TTC17: variants seen among roughly 807,000 people sequenced by gnomAD.
The protein encoded by TTC17 is tetratricopeptide repeat protein 17.
TTC17 carries 58 observed loss-of-function variants against 143.8 expected under a neutral mutation model. The ratio of observed to expected loss-of-function variants is 0.40; its 90% CI spans 0.33 to 0.50. TTC17 has a LOEUF of 0.50. Ranked by LOEUF, TTC17 falls within the 20% of genes least tolerant of loss-of-function variation. The pLI, the probability that TTC17 is intolerant of heterozygous loss-of-function variation, is 0.49. For synonymous variants in TTC17, 501 were observed against 497.8 expected (o/e 1.01, Z -0.09); for missense variants, 1,273 against 1,392.5 (o/e 0.91, Z 1.37).
In TTC17 at chr11:43,443,513, C is replaced by T. The variant is rs760655062; in HGVS notation, c.2440C>T (p.Pro814Ser). ...AGGAATACGGGTGCTGAAGAAAGGT[C>T]CCCAGGATGGAGTGGCCAGAAGCTC... ...LQGIRVLKKG[P>S]QDGVARSSCY... Residue 814 changes from proline (P) to serine (S), a missense_variant, in exon 17 of 24, where the codon CCC (proline) becomes TCC (serine). Pro to Ser is a moderately conservative substitution (Grantham distance 74). This residue lies in a region of TTC17 where 878 missense variants were observed against 899.8 expected (regional missense o/e 0.98). Transcript: ENST00000039989. 2 of 1,614,072 alleles carry T rather than the reference C, an allele frequency of 1.2e-6. No homozygotes were observed.
At chr11:43,359,243 G>A in intron 1 of TTC17, 130 bp downstream of exon 1, 1 of 1,157,942 alleles carries the variant, frequency 8.6e-7, no homozygotes, top group Non-Finnish European at 1.2e-6. Flanking sequence ...GTGGCACCGC[G>A]ACCTCGGACT....
At chr11:43,441,045 G>T (rs1039586420) in intron 16 of TTC17, among the ~76,000 whole-genome samples, 2 of 151,200 alleles carry the variant, frequency 1.3e-5, no homozygotes, top group Non-Finnish European at 2.9e-5. Flanking sequence ...TGAGGTGGGC[G>T]GATCACCTGA....
At position 43,444,096 on chromosome 11, in the gene TTC17, A is replaced by G; in HGVS notation, c.2552A>G (p.Asp851Gly). 1 of 1,613,308 alleles carries G rather than the reference A, an allele frequency of 6.2e-7. No homozygotes were observed. The highest frequency in any genetic ancestry group is 8.5e-7 in the Non-Finnish European group (1 of 1,179,716). The change falls in exon 18 of 24, where the codon GAT becomes GGT. Residue 851 changes from aspartate (D) to glycine (G), a missense_variant. Asp to Gly is a moderately conservative substitution (Grantham distance 94, BLOSUM62 -1). Transcript: ENST00000039989. ...QVKRVKKPKGDHKKTPGKKVE... is the reference protein window; with the variant it reads ...QVKRVKKPKGGHKKTPGKKVE... Reference sequence around the variant, plus strand: ...AAACGTGTAAAGAAACCCAAAGGAGATCATAAGAAAACTCCTGGGAAAAAA... The same window carrying G: ...AAACGTGTAAAGAAACCCAAAGGAGGTCATAAGAAAACTCCTGGGAAAAAA...
At chr11:43,477,354 G>T (rs907382548) in intron 21 of TTC17, among the ~76,000 whole-genome samples, 1 of 152,114 alleles carries the variant, frequency 6.6e-6, no homozygotes, top group Non-Finnish European at 1.5e-5. Flanking sequence ...ACATTTTCAG[G>T]TATCTTTTCA....
chr11:43,359,259 C>CCTGGTCCGA, intron 1 of TTC17, 146 bp downstream of exon 1: 1 of 1,023,662 alleles, frequency 9.8e-7, no homozygotes, highest in Non-Finnish European at 1.4e-6. Flanking sequence ...GGACTCCCTG[C>CCTGGTCCGA]ATTCGGACCA....
intron 16 of TTC17, among the ~76,000 whole-genome samples, chr11:43,425,712 T>C (rs1463843226): frequency 6.6e-6 from 1 of 152,226 alleles, no homozygotes; most frequent in African/African-American, 2.4e-5. Context: ...TTAGTATTTA[T>C]TACTAGTGGT....
At chr11:43,413,418 C>A (rs1946702647) in intron 15 of TTC17, among the ~76,000 whole-genome samples, 1 of 151,930 alleles carries the variant, frequency 6.6e-6, no homozygotes, top group South Asian at 2.1e-4. Flanking sequence ...GTCTTTATGA[C>A]CTTGCAGTAG....
intron 13 of TTC17, among the ~76,000 whole-genome samples, chr11:43,406,646 C>A (rs983555339): frequency 4.0e-5 from 6 of 151,518 alleles, no homozygotes; most frequent in African/African-American, 1.5e-4. Context: ...AGGCAAAAAA[C>A]ATTATGTGCC....
At chr11:43,368,820 C>T (rs1303660233) in intron 1 of TTC17, among the ~76,000 whole-genome samples, 1 of 152,202 alleles carries the variant, frequency 6.6e-6, no homozygotes, top group African/African-American at 2.4e-5. Context: ...CCTGTAAGAT[C>T]TAGAACCTGG....
chr11:43,409,378 A>G (rs1366084892), intron 15 of TTC17, among the ~76,000 whole-genome samples: 1 of 152,224 alleles, frequency 6.6e-6, no homozygotes, highest in Non-Finnish European at 1.5e-5. Context: ...TGGCTCTGGC[A>G]CAAAATACCA....
At position 43,358,951 on chromosome 11, in the gene TTC17, C is replaced by A. The variant is rs779463707; in HGVS notation, c.-4C>A. The A allele has an allele frequency of 1.8e-5, 29 of 1,571,322 alleles. No individual in the cohort carries two copies. Among genetic ancestry groups the A allele is most frequent in the South Asian group, 1.5e-4 (13 of 87,090 alleles). On this transcript the variant is annotated 5_prime_UTR_variant, in exon 1 of 24. Transcript: ENST00000039989. Reference sequence around the variant, plus strand: ...GGTGTGAGCGGCCCGGCCGGGGGGGCAAGATGGCGGCGGCAGTAGGGGTTC... The same window carrying A: ...GGTGTGAGCGGCCCGGCCGGGGGGGAAAGATGGCGGCGGCAGTAGGGGTTC...
At chr11:43,370,008 G>A (rs1168471012) in intron 1 of TTC17, 1 of 440,860 alleles carries the variant, frequency 2.3e-6, no homozygotes, top group Non-Finnish European at 4.5e-6. Flanking sequence ...CATTATAATA[G>A]TTTTCTCAAT....
intron 23 of TTC17, among the ~76,000 whole-genome samples, chr11:43,493,382 G>A (rs1196841254): frequency 3.3e-5 from 5 of 152,172 alleles, no homozygotes; most frequent in Admixed American, 3.3e-4. Flanking sequence ...CACGGTTCTG[G>A]AGGTTTCTGT....
intron 21 of TTC17, among the ~76,000 whole-genome samples, chr11:43,469,756 T>G (rs1285927364): frequency 6.6e-6 from 1 of 152,234 alleles, no homozygotes; most frequent in South Asian, 2.1e-4. Context: ...TCTGTGTCTT[T>G]GTTACTTAAT....
At chr11:43,436,271 G>C in intron 16 of TTC17, 2 of 1,435,306 alleles carry the variant, frequency 1.4e-6, no homozygotes, top group Non-Finnish European at 1.8e-6. Context: ...GAGAGGAACA[G>C]AGGAGGACCC....
At chr11:43,373,345 A>G (rs929235778) in intron 1 of TTC17, among the ~76,000 whole-genome samples, 6 of 144,758 alleles carry the variant, frequency 4.1e-5, no homozygotes, top group Non-Finnish European at 6.0e-5. Flanking sequence ...TTTTTTTGAG[A>G]CAGAGTCTCG....
At chr11:43,396,317 C>G (rs1401148736) in intron 5 of TTC17, 1 of 151,736 alleles carries the variant, frequency 6.6e-6, no homozygotes, top group Non-Finnish European at 1.5e-5. Context: ...AGAAAAAATT[C>G]TAAAATGTTA....
Position 43,389,782 on chromosome 11 carries a change from A to G in TTC17, c.380A>G (p.Tyr127Cys), listed in dbSNP as rs755360054. 1.5e-5 allele frequency: 24 copies of G among 1,613,230 alleles called. 1 individual carries two copies. The South Asian group carries it at 2.6e-4, about 18-fold the overall frequency. Residue 127 changes from tyrosine (Y) to cysteine (C), a missense_variant, in exon 3 of 24, where the codon TAT becomes TGT. This residue lies in a region of TTC17 where 325 missense variants were observed against 444.2 expected (regional missense o/e 0.73). Transcript: ENST00000039989. Reference sequence around the variant, plus strand: ...GTGCCCTTAGGGGACCTGGATCTATATGATGGCACATACATAACTTTGGAG... The same window carrying G: ...GTGCCCTTAGGGGACCTGGATCTATGTGATGGCACATACATAACTTTGGAG... The part of the protein sequence containing the change: ...AKVPLGDLDL[Y>C]DGTYITLESK...
intron 1 of TTC17, among the ~76,000 whole-genome samples, chr11:43,359,766 T>C (rs768489163): frequency 6.6e-6 from 1 of 152,218 alleles, no homozygotes; most frequent in Non-Finnish European, 1.5e-5. Flanking sequence ...ACTGCCCTCG[T>C]TTCCCAGTGC....
Sources: allele counts gnomAD v4.1 joint callset (sites outside exome capture counted in the v4.1 genomes callset), GRCh38; gene constraint gnomAD v4.1.1; regional missense constraint gnomAD v4.1.1; transcripts MANE v1.5; gene names NCBI Gene and HGNC (gene_info 2026-07-23, HGNC 2026-07-21).